AUTS2: variants seen among roughly 807,000 people sequenced by gnomAD.
AUTS2 encodes the protein autism susceptibility gene 2 protein.
A neutral mutation model predicts 112.4 loss-of-function variants in AUTS2; 17 were observed. That is an observed-to-expected ratio of 0.15 (90% CI 0.10 to 0.23). AUTS2 has a LOEUF of 0.23. AUTS2 is among the 10% of genes least tolerant of loss of function. The pLI is 1.00. For synonymous variants in AUTS2, 751 were observed against 702.7 expected (o/e 1.07, Z -1.09); for missense variants, 1,510 against 1,701.6 (o/e 0.89, Z 1.98).
intron 4 of AUTS2, among the ~76,000 whole-genome samples, chr7:70,155,773 C>A (rs1807714682): frequency 6.6e-6 from 1 of 152,066 alleles, no homozygotes; most frequent in Non-Finnish European, 1.5e-5. Context: ...ACTAGGGTAA[C>A]CAAGTATTCA....
intron 4 of AUTS2, among the ~76,000 whole-genome samples, chr7:70,228,872 A>G (rs1174925015): frequency 6.6e-6 from 1 of 151,972 alleles, no homozygotes; most frequent in South Asian, 2.1e-4. Flanking sequence ...AGAAAAATGT[A>G]TGTATGATTT....
At chr7:70,676,532 TC>T (rs971015878) in intron 5 of AUTS2, among the ~76,000 whole-genome samples, 6 of 152,176 alleles carry the variant, frequency 3.9e-5, no homozygotes, top group African/African-American at 1.4e-4. Flanking sequence ...AGTGTCCTGT[TC>T]CTGCTCTCTG....
At chr7:69,641,538 T>G (rs1391868703) in intron 1 of AUTS2, among the ~76,000 whole-genome samples, 1 of 152,218 alleles carries the variant, frequency 6.6e-6, no homozygotes, top group Non-Finnish European at 1.5e-5. Flanking sequence ...TATTCGCTGC[T>G]TTGTTTAGAC....
At chr7:69,997,216 A>G (rs951183029) in intron 2 of AUTS2, among the ~76,000 whole-genome samples, 1 of 152,222 alleles carries the variant, frequency 6.6e-6, no homozygotes, top group Non-Finnish European at 1.5e-5. Flanking sequence ...GAAATTATAG[A>G]GGCTTGGAGA....
intron 1 of AUTS2, among the ~76,000 whole-genome samples, chr7:69,605,711 T>C (rs1461511696): frequency 6.6e-6 from 1 of 152,224 alleles, no homozygotes; most frequent in African/African-American, 2.4e-5. Context: ...CAGGAAAAGC[T>C]GTGGAACTGT....
At chr7:70,784,234 TTTATAGAGTCGGGTC>T (rs2129560396) in intron 15 of AUTS2, 1 of 152,202 alleles carries the variant, frequency 6.6e-6, no homozygotes, top group South Asian at 2.1e-4. Flanking sequence ...AATAATGAGT[TTTATAGAGTCGGGTC>T]TTATAGTATC....
chr7:69,712,661 A>G (rs1384402016), intron 1 of AUTS2, among the ~76,000 whole-genome samples: 1 of 152,164 alleles, frequency 6.6e-6, no homozygotes, highest in East Asian at 1.9e-4. Flanking sequence ...TTTTGCAGTT[A>G]TAAATAAAGC....
chr7:70,517,616 A>G (rs1799470667), intron 5 of AUTS2, among the ~76,000 whole-genome samples: 1 of 148,896 alleles, frequency 6.7e-6, no homozygotes, highest in African/African-American at 2.4e-5. Context: ...TAAAATATAT[A>G]TAATGTATTA....
chr7:70,363,029 A>T (rs920363749), intron 4 of AUTS2, among the ~76,000 whole-genome samples: 2 of 152,362 alleles, frequency 1.3e-5, no homozygotes, highest in Non-Finnish European at 1.5e-5. Flanking sequence ...ATATTCTCTC[A>T]GTCTTTCCCT....
intron 4 of AUTS2, among the ~76,000 whole-genome samples, chr7:70,320,551 T>C (rs1043500358): frequency 1.3e-5 from 2 of 152,242 alleles, no homozygotes; most frequent in Non-Finnish European, 2.9e-5. Flanking sequence ...AAACATTTAC[T>C]TAACTCCTAC....
In AUTS2 at chr7:70,790,254, G is replaced by T. The variant is rs1286632609; in HGVS notation, c.3038G>T (p.Ser1013Ile). The change falls in exon 19 of 19, where the codon AGC becomes ATC. Residue 1013 changes from serine (S) to isoleucine (I), a missense_variant. Around this residue, in one of 3 missense-constraint regions of AUTS2, gnomAD observed 788 missense variants for 797.6 expected, o/e 0.99. Coordinates refer to ENST00000342771, the MANE Select transcript of AUTS2 (RefSeq NM_015570.4). This position sits in a 1 kb window ranked among gnomAD's most constrained non-coding sequence, Gnocchi z 7.6. Reference protein sequence around the residue: ...SEPPPPNSSSSVHPGPLASMP... With the variant: ...SEPPPPNSSSIVHPGPLASMP... ...CCGCCGCCTCCCAACTCCTCGTCCA[G>T]CGTGCACCCGGGGCCCCTGGCCTCG... 1 of 1,612,984 alleles carries T rather than the reference G, an allele frequency of 6.2e-7. No homozygotes were observed.
Position 69,871,000 on chromosome 7 carries a change from C to T in AUTS2, c.310-28286C>T, listed in dbSNP as rs140180870. On this transcript the variant is annotated intron_variant, in intron 1 of 18. Transcript: ENST00000342771. ...CAGTTTATGTTATGCCTCATAGGCACATAATGTATTTTGTTTTTACCGCAC... is the reference window on the plus strand; with the variant it reads ...CAGTTTATGTTATGCCTCATAGGCATATAATGTATTTTGTTTTTACCGCAC... 3.0e-3 allele frequency among the ~76,000 whole-genome samples: 459 copies of T among 152,252 alleles called. 2 individuals are homozygous for T. Among genetic ancestry groups the T allele is most frequent in the African/African-American group, 0.01 (427 of 41,552 alleles).
intron 4 of AUTS2, among the ~76,000 whole-genome samples, chr7:70,330,147 G>GT (rs1204621006): frequency 1.3e-5 from 2 of 152,124 alleles, no homozygotes; most frequent in Non-Finnish European, 2.9e-5. Context: ...CAGTTTATCT[G>GT]TTTTTTCTTT....
intron 4 of AUTS2, among the ~76,000 whole-genome samples, chr7:70,426,022 A>G (rs922298730): frequency 9.2e-5 from 14 of 152,202 alleles, no homozygotes; most frequent in Non-Finnish European, 1.8e-4. Context: ...CATTTAATAG[A>G]TGAGGAAACT....
At chr7:70,253,119 T>G (rs892111647) in intron 4 of AUTS2, among the ~76,000 whole-genome samples, 8 of 152,178 alleles carry the variant, frequency 5.3e-5, no homozygotes, top group African/African-American at 1.9e-4. Context: ...TCATTTCATA[T>G]TTGGCCAGTG....
At chr7:69,894,747 C>G (rs914778395) in intron 1 of AUTS2, among the ~76,000 whole-genome samples, 5 of 152,084 alleles carry the variant, frequency 3.3e-5, no homozygotes, top group Admixed American at 6.5e-5. Context: ...TTCTATTTTT[C>G]AAGTGCCTTT....
intron 1 of AUTS2, among the ~76,000 whole-genome samples, chr7:69,708,729 TAATG>T (rs1798175135): frequency 6.6e-6 from 1 of 152,258 alleles, no homozygotes; most frequent in East Asian, 1.9e-4. Context: ...TACTATGAGA[TAATG>T]AAGAAAGACA....
At chr7:69,847,205 A>G (rs1204811239) in intron 1 of AUTS2, among the ~76,000 whole-genome samples, 4 of 152,344 alleles carry the variant, frequency 2.6e-5, no homozygotes, top group African/African-American at 7.2e-5. Context: ...AGAGTACTAA[A>G]GCCGTAGAAT....
At chr7:69,807,556 A>G (rs1283727608) in intron 1 of AUTS2, among the ~76,000 whole-genome samples, 1 of 152,050 alleles carries the variant, frequency 6.6e-6, no homozygotes, top group Non-Finnish European at 1.5e-5. Context: ...TTCTTGTTGC[A>G]TTTAAATTCT....
Sources: gnomAD v4.1 joint callset for allele counts (sites outside exome capture counted in the v4.1 genomes callset) on GRCh38, gnomAD v4.1.1 for gene constraint, gnomAD v4.1.1 regional missense constraint, Gnocchi (gnomAD v3.1) non-coding constraint, MANE v1.5 for transcripts, NCBI Gene and HGNC (gene_info 2026-07-23, HGNC 2026-07-21) for gene names.